Variants in ARHGEF6 observed in about 807,000 individuals in gnomAD.
The protein encoded by ARHGEF6 is rho guanine nucleotide exchange factor 6.
ARHGEF6 carries 9 observed loss-of-function variants against 70.3 expected under a neutral mutation model. The observed-to-expected ratio is 0.13, with a 90% CI of 0.08 to 0.22. The LOEUF is 0.22. Among genes scored for constraint, ARHGEF6 ranks in the 10% least tolerant of loss-of-function variants. The pLI, the probability that ARHGEF6 is intolerant of heterozygous loss-of-function variation, is 1.00. For synonymous variants in ARHGEF6, 201 were observed against 207.8 expected, an observed-to-expected ratio of 0.97 and a Z score of 0.28; for missense variants, 470 against 563.0, an observed-to-expected ratio of 0.83 and a Z score of 1.67.
intron 9 of ARHGEF6, among the ~76,000 whole-genome samples, chrX:136,692,486 G>A (rs1287922412): frequency 2.7e-5 from 3 of 111,679 alleles, no homozygotes; most frequent in Non-Finnish European, 5.6e-5. Flanking sequence ...AAGAGAGTTG[G>A]CAACCCTGGA....
Position 136,707,012 on chromosome X carries a change from G to A in ARHGEF6, c.942C>T (p.His314=), listed in dbSNP as rs34274521. 200 of 1,209,690 alleles carry A rather than the reference G, an allele frequency of 1.7e-4. No individual in the cohort carries two copies. Among genetic ancestry groups the A allele is most frequent in the Admixed American group, 3.3e-4 (15 of 45,781 alleles). ...GACTCAGTAGACAACCTCCTACTTT[G>A]TGCTGGTTTTCTGGAAACCTGTAAA... ...EECSKFPENQ[H]KVGGCLLSLM... The change falls in exon 9 of 22, where the codon CAC becomes CAT. Residue 314 remains histidine, a synonymous_variant. Coordinates refer to ENST00000250617, the MANE Select transcript of ARHGEF6 (RefSeq NM_004840.3).
chrX:136,759,017 A>C (rs2077239241), intron 2 of ARHGEF6, among the ~76,000 whole-genome samples: 1 of 111,966 alleles, frequency 8.9e-6, no homozygotes, highest in Non-Finnish European at 1.9e-5. Flanking sequence ...CTCTACTTGA[A>C]GGTGATTTTT....
chrX:136,672,225 T>C, intron 19 of ARHGEF6, 106 bp from the exon 20 acceptor site: 1 of 641,409 alleles, frequency 1.6e-6, no homozygotes, highest in African/African-American at 2.1e-5. Context: ...GGGTCTTTGT[T>C]CATAGCATGT....
chrX:136,759,096 C>T (rs1169083766), intron 2 of ARHGEF6, among the ~76,000 whole-genome samples: 1 of 112,100 alleles, frequency 8.9e-6, no homozygotes, highest in African/African-American at 3.2e-5. Context: ...TCAGAGAATG[C>T]AAAGTGGTTA....
At chrX:136,769,090 C>T (rs986225735) in intron 2 of ARHGEF6, among the ~76,000 whole-genome samples, 1 of 111,097 alleles carries the variant, frequency 9.0e-6, no homozygotes, top group Non-Finnish European at 1.9e-5. Context: ...TCAGTGAAAT[C>T]CTTCCAGAAT....
chrX:136,745,090 G>T (rs1407776971), intron 4 of ARHGEF6, 133 bp downstream of exon 4: 12 of 901,553 alleles, frequency 1.3e-5, no homozygotes, highest in Non-Finnish European at 1.9e-5. Context: ...TTGGTGCTCG[G>T]TTTATAATTA....
intron 19 of ARHGEF6, among the ~76,000 whole-genome samples, chrX:136,674,231 A>C (rs113676060): frequency 1.2e-4 from 14 of 112,393 alleles, no homozygotes; most frequent in African/African-American, 4.5e-4. Context: ...GGCACCTAAG[A>C]AATCCCCTCC....
At chrX:136,727,587 G>A (rs1387095252) in intron 6 of ARHGEF6, among the ~76,000 whole-genome samples, 1 of 97,874 alleles carries the variant, frequency 1.0e-5, no homozygotes, top group Non-Finnish European at 2.0e-5. Flanking sequence ...AGGCTGGAGT[G>A]CAATGGTGCA....
At chrX:136,685,635 C>G in intron 12 of ARHGEF6, 42 bp downstream of exon 12, 1 of 1,131,424 alleles carries the variant, frequency 8.8e-7, no homozygotes, top group Non-Finnish European at 1.2e-6. Context: ...AAGAAAAATA[C>G]GAAAGATGGA....
chrX:136,743,453 A>T, intron 5 of ARHGEF6, 132 bp downstream of exon 5: 1 of 588,178 alleles, frequency 1.7e-6, no homozygotes, highest in Non-Finnish European at 2.8e-6. Flanking sequence ...GTTCTGTTCT[A>T]CTCTTATTTT....
chrX:136,741,952 C>T (rs757398214), intron 5 of ARHGEF6, among the ~76,000 whole-genome samples: 7 of 111,767 alleles, frequency 6.3e-5, no homozygotes, highest in Non-Finnish European at 1.1e-4. Flanking sequence ...AAATTTTCAG[C>T]TCTCAAGAGC....
At chrX:136,686,689 T>G (rs1289985919) in intron 11 of ARHGEF6, among the ~76,000 whole-genome samples, 1 of 53,369 alleles carries the variant, frequency 1.9e-5, no homozygotes, top group Non-Finnish European at 3.2e-5. Context: ...CACATATATA[T>G]ATATACACAT....
chrX:136,679,685 T>C (rs1183781069), intron 15 of ARHGEF6, 25 bp from the exon 16 acceptor site: 1 of 1,211,283 alleles, frequency 8.3e-7, no homozygotes, highest in Non-Finnish European at 1.1e-6. Flanking sequence ...GATGAGATGT[T>C]GGCAATCTGC....
intron 2 of ARHGEF6, among the ~76,000 whole-genome samples, chrX:136,762,894 C>G (rs1439637957): frequency 9.0e-6 from 1 of 111,590 alleles, no homozygotes; most frequent in Non-Finnish European, 1.9e-5. Flanking sequence ...AGCTCAAGCT[C>G]ATAGTCCCTG....
chrX:136,720,822 A>G (rs2076788761), intron 6 of ARHGEF6, among the ~76,000 whole-genome samples: 1 of 112,524 alleles, frequency 8.9e-6, no homozygotes, highest in Admixed American at 9.4e-5. Context: ...TGCAAAGTCA[A>G]TACACAAATG....
At chrX:136,734,049 A>C (rs1487939168) in intron 5 of ARHGEF6, among the ~76,000 whole-genome samples, 3 of 112,325 alleles carry the variant, frequency 2.7e-5, no homozygotes, top group Non-Finnish European at 5.6e-5. Context: ...TTTTCAGGGA[A>C]GATTTCAGAA....
chrX:136,756,606 G>A (rs1204958196), intron 2 of ARHGEF6, among the ~76,000 whole-genome samples: 1 of 111,877 alleles, frequency 8.9e-6, no homozygotes, highest in Non-Finnish European at 1.9e-5. Context: ...CTCACCAGCA[G>A]CAAGAAGGGG....
chrX:136,733,972 G>A (rs971470022), intron 5 of ARHGEF6, among the ~76,000 whole-genome samples: 4 of 112,273 alleles, frequency 3.6e-5, no homozygotes, highest in Non-Finnish European at 7.5e-5. Context: ...CTGGGAAGGA[G>A]GTACTCGATC....
At chrX:136,758,028 A>ATTTTTT (rs1569421949) in intron 2 of ARHGEF6, among the ~76,000 whole-genome samples, 4 of 29,738 alleles carry the variant, frequency 1.3e-4, no homozygotes, top group African/African-American at 1.4e-4. Context: ...CTAAAAATAA[A>ATTTTTT]TTCTTTTTTT....
Sources: gnomAD v4.1 joint callset for allele counts (sites outside exome capture counted in the v4.1 genomes callset) on GRCh38, gnomAD v4.1.1 for gene constraint, MANE v1.5 for transcripts, NCBI Gene and HGNC (gene_info 2026-07-23, HGNC 2026-07-21) for gene names.